NHERF2: variants seen among roughly 807,000 people sequenced by gnomAD.
NHERF2 encodes NHERF family PDZ scaffold protein 2, also known as Na(+)/H(+) exchange regulatory cofactor NHE-RF2.
chr16:2,027,669 A>G, the NHERF2 span, among the ~76,000 whole-genome samples: 1 of 152,128 alleles, frequency 6.6e-6, no homozygotes, highest in South Asian at 2.1e-4. Context: ...GGTCGCAGTA[A>G]AGGCATCAGT....
the NHERF2 span, among the ~76,000 whole-genome samples, chr16:2,030,240 G>A: frequency 6.6e-6 from 1 of 152,218 alleles, no homozygotes; most frequent in African/African-American, 2.4e-5. Flanking sequence ...TTCTCCACAG[G>A]CAGCGCCGTG....
At chr16:2,035,933 A>C in the NHERF2 span, 1 of 203,552 alleles carries the variant, frequency 4.9e-6, no homozygotes, top group African/African-American at 2.3e-5. Context: ...CACGCTCTGG[A>C]GGAGAGCCCG....
chr16:2,036,917 G>A, the NHERF2 span: 6 of 1,584,884 alleles, frequency 3.8e-6, no homozygotes, highest in African/African-American at 2.7e-5. Flanking sequence ...TGGGTGCGGT[G>A]TGGTGGCTGA....
At chr16:2,036,734 G>A in the NHERF2 span, 90 of 1,611,986 alleles carry the variant, frequency 5.6e-5, 1 homozygote, top group Middle Eastern at 4.9e-4. Context: ...GCAGGTGAAC[G>A]GGCAGAATGT....
the NHERF2 span, among the ~76,000 whole-genome samples, chr16:2,032,165 G>A: frequency 6.6e-6 from 1 of 152,000 alleles, no homozygotes; most frequent in Non-Finnish European, 1.5e-5. This position sits in a 1 kb window ranked among gnomAD's most constrained non-coding sequence, Gnocchi z 4.0. Flanking sequence ...GATTACAGGC[G>A]TGTACCACCA....
the NHERF2 span, chr16:2,033,195 T>C: frequency 6.8e-7 from 1 of 1,461,926 alleles, no homozygotes; most frequent in African/African-American, 1.4e-5. Flanking sequence ...GTCATCACCC[T>C]GCTCCCCAGA....
the NHERF2 span, chr16:2,038,661 A>C: frequency 3.8e-6 from 1 of 265,468 alleles, no homozygotes; most frequent in East Asian, 1.7e-4. Context: ...GGGGGTCCCT[A>C]GGCCACACCC....
the NHERF2 span, chr16:2,027,064 G>GCTA: frequency 7.0e-7 from 1 of 1,437,754 alleles, no homozygotes; most frequent in Non-Finnish European, 9.1e-7. Flanking sequence ...GGAGAGCAGG[G>GCTA]CTACGGCTTC....
chr16:2,028,413 G>A, the NHERF2 span, among the ~76,000 whole-genome samples: 4 of 152,300 alleles, frequency 2.6e-5, no homozygotes, highest in African/African-American at 7.2e-5. Flanking sequence ...TGCCACCCTC[G>A]CCCTGGGAAC....
the NHERF2 span, chr16:2,038,203 G>A: frequency 1.7e-6 from 1 of 603,400 alleles, no homozygotes; most frequent in Non-Finnish European, 2.9e-6. Context: ...AGATGTGAGA[G>A]AGAGTCAGAG....
At chr16:2,028,192 A>G in the NHERF2 span, among the ~76,000 whole-genome samples, 1 of 152,206 alleles carries the variant, frequency 6.6e-6, no homozygotes, top group Admixed American at 6.5e-5. Flanking sequence ...CCTAGAGATT[A>G]GCAGGTTGGT....
the NHERF2 span, chr16:2,033,467 G>A: frequency 2.0e-6 from 3 of 1,499,550 alleles, no homozygotes; most frequent in Non-Finnish European, 2.7e-6. Flanking sequence ...GGGCTAGGAG[G>A]AACCGGCAGC....
At chr16:2,038,418 C>A in the NHERF2 span, 3 of 365,056 alleles carry the variant, frequency 8.2e-6, no homozygotes, top group Non-Finnish European at 1.6e-5. Context: ...CCTTCCCCTC[C>A]CCCTTCCCCT....
chr16:2,033,953 A>T, the NHERF2 span, among the ~76,000 whole-genome samples: 2 of 152,210 alleles, frequency 1.3e-5, no homozygotes, highest in Admixed American at 1.3e-4. Context: ...TTTGATAGGC[A>T]GAACTTCTTG....
the NHERF2 span, among the ~76,000 whole-genome samples, chr16:2,032,350 C>T: frequency 6.6e-6 from 1 of 152,220 alleles, no homozygotes; most frequent in African/African-American, 2.4e-5. The surrounding 1 kb of genome is among the most constrained non-coding windows in gnomAD (Gnocchi z 4.0). Context: ...CCTGAGCTCC[C>T]AGCATGGGCA....
the NHERF2 span, chr16:2,038,861 T>G: frequency 6.4e-6 from 1 of 156,654 alleles, no homozygotes. Flanking sequence ...ACGCCTGGCC[T>G]CTGGCTCAGC....
chr16:2,036,703 G>A, the NHERF2 span: 2 of 1,608,776 alleles, frequency 1.2e-6, no homozygotes, highest in Non-Finnish European at 1.7e-6. Context: ...CCCATGGCGG[G>A]GCTGATACAT....
chr16:2,032,036 T>G, the NHERF2 span, among the ~76,000 whole-genome samples: 5 of 145,678 alleles, frequency 3.4e-5, no homozygotes, highest in African/African-American at 1.2e-4. This position sits in a 1 kb window ranked among gnomAD's most constrained non-coding sequence, Gnocchi z 4.0. Context: ...TTTTTTTTTT[T>G]TGAGACGGAG....
chr16:2,037,351 A>G, the NHERF2 span, among the ~76,000 whole-genome samples: 1 of 152,128 alleles, frequency 6.6e-6, no homozygotes, highest in Non-Finnish European at 1.5e-5. Flanking sequence ...TGAGCCGGCC[A>G]GGCCACCTGC....
Sources: allele counts gnomAD v4.1 joint callset (sites outside exome capture counted in the v4.1 genomes callset), GRCh38; gene constraint gnomAD v4.1.1; non-coding constraint Gnocchi (gnomAD v3.1); transcripts MANE v1.5; gene names NCBI Gene and HGNC (gene_info 2026-07-23, HGNC 2026-07-21).